Variants in PBX3 observed in about 807,000 individuals in gnomAD.
The protein encoded by PBX3 is pre-B-cell leukemia transcription factor 3.
Under a neutral mutation model 48.5 loss-of-function variants are expected in PBX3, and 14 were observed. That is an observed-to-expected ratio of 0.29 (90% CI 0.19 to 0.45). The LOEUF is 0.45. Ranked by LOEUF, PBX3 falls within the 20% of genes least tolerant of loss-of-function variation. The pLI is 1.00. For missense variants in PBX3, 386 were observed against 546.7 expected (o/e 0.71, Z 2.93); for synonymous variants, 210 against 200.3 (o/e 1.05, Z -0.41).
intron 2 of PBX3, among the ~76,000 whole-genome samples, chr9:125,876,231 G>C (rs1016824034): frequency 7.2e-5 from 11 of 151,936 alleles, no homozygotes; most frequent in African/African-American, 2.4e-4. Flanking sequence ...CACTTATACT[G>C]TTTAATGACA....
At chr9:125,928,393 TG>T (rs1841632490) in intron 3 of PBX3, among the ~76,000 whole-genome samples, 1 of 52,024 alleles carries the variant, frequency 1.9e-5, no homozygotes. Flanking sequence ...GGGAAACAAA[TG>T]TGTGTGTGTG....
At chr9:125,943,876 T>C (rs1842014242) in intron 5 of PBX3, among the ~76,000 whole-genome samples, 1 of 152,158 alleles carries the variant, frequency 6.6e-6, no homozygotes, top group Non-Finnish European at 1.5e-5. Context: ...AGGAGGTGTG[T>C]GGAGAAGGCC....
chr9:125,841,296 T>G (rs1261267687), intron 2 of PBX3, among the ~76,000 whole-genome samples: 1 of 152,206 alleles, frequency 6.6e-6, no homozygotes, highest in Non-Finnish European at 1.5e-5. Flanking sequence ...TTATTCTTAC[T>G]GTTGAAAATT....
intron 2 of PBX3, among the ~76,000 whole-genome samples, chr9:125,889,472 T>G (rs1840582856): frequency 6.6e-6 from 1 of 152,222 alleles, no homozygotes; most frequent in Non-Finnish European, 1.5e-5. Flanking sequence ...GAGCTCGGTT[T>G]AAGCTCGAAT....
chr9:125,820,296 A>AAGAC (rs1838613135), intron 2 of PBX3, among the ~76,000 whole-genome samples: 1 of 152,236 alleles, frequency 6.6e-6, no homozygotes, highest in Non-Finnish European at 1.5e-5. Context: ...GGTGTGAAAC[A>AAGAC]AGACACTTGA....
At chr9:125,803,005 A>G (rs1838009857) in intron 2 of PBX3, among the ~76,000 whole-genome samples, 1 of 148,340 alleles carries the variant, frequency 6.7e-6, no homozygotes, top group African/African-American at 2.5e-5. Context: ...ATACAATGAT[A>G]CTCTGTTTTA....
intron 2 of PBX3, among the ~76,000 whole-genome samples, chr9:125,824,553 A>G (rs1370295594): frequency 1.3e-5 from 2 of 152,200 alleles, no homozygotes; most frequent in African/African-American, 2.4e-5. Flanking sequence ...CTAGTCTCCA[A>G]GGTATATTGT....
chr9:125,773,362 C>T (rs1386000567), intron 2 of PBX3, among the ~76,000 whole-genome samples: 2 of 152,142 alleles, frequency 1.3e-5, no homozygotes, highest in Non-Finnish European at 2.9e-5. Context: ...TTTCAGAAAG[C>T]CTTTTGACCA....
At chr9:125,867,759 T>TATATACACACACATATATACACAC (rs1840022151) in intron 2 of PBX3, among the ~76,000 whole-genome samples, 2 of 151,770 alleles carry the variant, frequency 1.3e-5, no homozygotes, top group Non-Finnish European at 2.9e-5. Context: ...TCTCTATATA[T>TATATACACACACATATATACACAC]ATATACACAC....
intron 2 of PBX3, among the ~76,000 whole-genome samples, chr9:125,767,426 A>T (rs1836827854): frequency 6.6e-6 from 1 of 152,194 alleles, no homozygotes; most frequent in Non-Finnish European, 1.5e-5. Flanking sequence ...GTAATTCAAA[A>T]ATCTGCCCTT....
At chr9:125,905,443 T>C (rs1438462234) in intron 2 of PBX3, among the ~76,000 whole-genome samples, 1 of 152,066 alleles carries the variant, frequency 6.6e-6, no homozygotes, top group Non-Finnish European at 1.5e-5. Flanking sequence ...TGAATTTGAC[T>C]CACATTCATT....
chr9:125,747,526 A>G lies in PBX3; in HGVS notation c.73A>G (p.Met25Val), dbSNP rs1421849541. Residue 25 changes from methionine (M) to valine (V), a missense_variant, in exon 1 of 9, where the codon ATG becomes GTG. By Grantham distance (21) the Met-to-Val change is conservative (BLOSUM62 1). Around this residue, in one of 4 missense-constraint regions of PBX3, gnomAD observed 116 missense variants for 98.2 expected, o/e 1.18. Coordinates refer to ENST00000373489, the MANE Select transcript of PBX3 (RefSeq NM_006195.6). Reference protein sequence around the residue: ...NLAGHSVQGGMALPPPPHGHE... With the variant: ...NLAGHSVQGGVALPPPPHGHE... ...GGCTGGCCACTCGGTGCAGGGGGGC[A>G]TGGCCCTGCCGCCTCCCCCGCACGG... The G allele has an allele frequency of 1.2e-6, 2 of 1,600,576 alleles. No individual in the cohort carries two copies. Among genetic ancestry groups the G allele is most frequent in the South Asian group, 1.1e-5 (1 of 89,914 alleles).
In PBX3 at chr9:125,915,787, G is replaced by T. The variant is rs764566026; in HGVS notation, c.376G>T (p.Gly126Cys). ...AGAAGGGGTTTCAGGTCCTGAGAAA[G>T]GTGGGGGATCGGCGGCAGCAGCTGC... The part of the protein sequence containing the change: ...LAEGVSGPEK[G>C]GGSAAAAAAA... The change falls in exon 3 of 9, where the codon GGT (glycine) becomes TGT (cysteine). Residue 126 changes from glycine (G) to cysteine (C), a missense_variant. By Grantham distance (159) the Gly-to-Cys change is radical (BLOSUM62 -3). Transcript: ENST00000373489. The T allele has an allele frequency of 6.2e-7, 1 of 1,614,012 alleles. No homozygotes were observed. Among genetic ancestry groups the T allele is most frequent in the African/African-American group, 1.3e-5 (1 of 74,904 alleles).
intron 2 of PBX3, among the ~76,000 whole-genome samples, chr9:125,880,674 A>G (rs1010162943): frequency 7.9e-5 from 12 of 152,226 alleles, no homozygotes; most frequent in African/African-American, 2.9e-4. Context: ...AAGTCTGTAT[A>G]TTCAAAAAAT....
At chr9:125,928,896 A>G (rs1021660503) in intron 3 of PBX3, among the ~76,000 whole-genome samples, 6 of 151,602 alleles carry the variant, frequency 4.0e-5, no homozygotes, top group African/African-American at 1.5e-4. Flanking sequence ...GCTAAATTAT[A>G]ATAGGTCATT....
chr9:125,955,580 G>A (rs1385296909), intron 5 of PBX3, among the ~76,000 whole-genome samples: 1 of 152,136 alleles, frequency 6.6e-6, no homozygotes, highest in Non-Finnish European at 1.5e-5. Flanking sequence ...GCTTATTTGT[G>A]GCCACACAAG....
At chr9:125,928,231 T>C (rs1841624659) in intron 3 of PBX3, among the ~76,000 whole-genome samples, 2 of 151,594 alleles carry the variant, frequency 1.3e-5, no homozygotes, top group Non-Finnish European at 2.9e-5. Flanking sequence ...CATAAAAAAT[T>C]AGCTGGGTAT....
intron 2 of PBX3, among the ~76,000 whole-genome samples, chr9:125,828,581 G>A (rs1838870989): frequency 6.6e-6 from 1 of 152,026 alleles, no homozygotes; most frequent in Non-Finnish European, 1.5e-5. Context: ...AAATAAGATT[G>A]GTCAGTTTTT....
Position 125,809,983 on chromosome 9 carries a change from C to T in PBX3, c.274+61360C>T, listed in dbSNP as rs1339648622. Among the ~76,000 whole-genome samples, 3 of 152,164 alleles carry T rather than the reference C, an allele frequency of 2.0e-5. No homozygotes were observed. The South Asian group carries it at 6.2e-4, about 32-fold the overall frequency. On this transcript the variant is annotated intron_variant, in intron 2 of 8. Transcript: ENST00000373489. ...TGTTTTGAAAATGTGAGGATTGTTC[C>T]AACATGATTGGTATATTAGGGAATA... is the stretch of plus-strand genomic sequence containing the variant.
Sources: gnomAD v4.1 joint callset for allele counts (sites outside exome capture counted in the v4.1 genomes callset) on GRCh38, gnomAD v4.1.1 for gene constraint, gnomAD v4.1.1 regional missense constraint, MANE v1.5 for transcripts, NCBI Gene and HGNC (gene_info 2026-07-23, HGNC 2026-07-21) for gene names.